BNIP1: variants seen among roughly 807,000 people sequenced by gnomAD.
BNIP1 encodes the protein vesicle transport protein SEC20.
In BNIP1, 25 loss-of-function variants were observed where a neutral mutation model predicts 28.5. That is an observed-to-expected ratio of 0.88 (90% CI 0.64 to 1.23). BNIP1 has a LOEUF of 1.23. BNIP1 is among the 50% of genes most tolerant of loss of function. The pLI, the probability that BNIP1 is intolerant of heterozygous loss-of-function variation, is 0.00. For missense variants in BNIP1, 276 were observed against 277.0 expected, an observed-to-expected ratio of 1.00 and a Z score of 0.02; for synonymous variants, 118 against 101.7, an observed-to-expected ratio of 1.16 and a Z score of -0.96.
intron 3 of BNIP1, among the ~76,000 whole-genome samples, chr5:173,158,411 G>A (rs1342470756): frequency 6.6e-6 from 1 of 152,222 alleles, no homozygotes; most frequent in African/African-American, 2.4e-5. Context: ...GTGACCAGCT[G>A]GGAAGTTTGG....
intron 2 of BNIP1, among the ~76,000 whole-genome samples, chr5:173,150,992 C>T (rs886227964): frequency 6.6e-6 from 1 of 152,002 alleles, no homozygotes; most frequent in African/African-American, 2.4e-5. Context: ...TGTGCCACCA[C>T]ACACAGCTAA....
chr5:173,148,123 T>A (rs1317620386), intron 2 of BNIP1, among the ~76,000 whole-genome samples: 26 of 97,700 alleles, frequency 2.7e-4, no homozygotes, highest in Admixed American at 7.2e-4. Flanking sequence ...TATATATATA[T>A]ATATATATAT....
At chr5:173,158,177 C>A (rs528375405) in intron 3 of BNIP1, among the ~76,000 whole-genome samples, 1 of 152,138 alleles carries the variant, frequency 6.6e-6, no homozygotes, top group African/African-American at 2.4e-5. Context: ...GTGATCCCCC[C>A]ACCTCGGCCT....
At chr5:173,158,268 A>C (rs1299408114) in intron 3 of BNIP1, among the ~76,000 whole-genome samples, 1 of 152,194 alleles carries the variant, frequency 6.6e-6, no homozygotes, top group Admixed American at 6.5e-5. Context: ...TTAACTCAGC[A>C]GCTGAAGGGC....
chr5:173,154,224 C>T, intron 2 of BNIP1, 98 bp from the exon 3 acceptor site: 2 of 1,009,370 alleles, frequency 2.0e-6, no homozygotes, highest in Non-Finnish European at 3.0e-6. Flanking sequence ...AAGGGTGCTT[C>T]AAGTGCTATT....
At chr5:173,156,044 A>G (rs780179634) in intron 3 of BNIP1, among the ~76,000 whole-genome samples, 5 of 152,348 alleles carry the variant, frequency 3.3e-5, no homozygotes, top group Non-Finnish European at 5.9e-5. Context: ...TGTATGTAAC[A>G]GTCAGCTGTC....
chr5:173,162,528 C>T (rs1320686536), intron 5 of BNIP1, among the ~76,000 whole-genome samples: 1 of 151,956 alleles, frequency 6.6e-6, no homozygotes, highest in Non-Finnish European at 1.5e-5. Context: ...ACTGGGGAGG[C>T]TGAGGCAGGA....
chr5:173,156,980 A>C (rs1272169341), intron 3 of BNIP1, among the ~76,000 whole-genome samples: 2 of 151,718 alleles, frequency 1.3e-5, no homozygotes, highest in Non-Finnish European at 2.9e-5. Flanking sequence ...CAAAAAAAAC[A>C]AAAAAAACCA....
At position 173,164,069 on chromosome 5, in the gene BNIP1, C is replaced by G. The variant is rs1290228541; in HGVS notation, c.*148C>G. ...GGATGGAACACAGTGCCCCACTTTT[C>G]TGCAAGTAGCTGGCTTGTAAAGGGT... On this transcript the variant is annotated 3_prime_UTR_variant, in exon 6 of 6. Transcript: ENST00000351486. The surrounding 1 kb of genome is among the most constrained non-coding windows in gnomAD (Gnocchi z 4.0). 1.4e-6 allele frequency: 1 copy of G among 732,064 alleles called. No individual in the cohort carries two copies. Among genetic ancestry groups the G allele is most frequent in the Non-Finnish European group, 2.1e-6 (1 of 478,714 alleles). 45.3% of individuals were successfully genotyped at this position (732,064 alleles called of 1,614,324 possible). A position where few individuals can be genotyped will look rare whatever the true frequency, so the allele number is the denominator to read the frequency against.
At chr5:173,161,004 A>G in intron 5 of BNIP1, 1 of 366,512 alleles carries the variant, frequency 2.7e-6, no homozygotes. Flanking sequence ...CTTTTGGAAA[A>G]TTGCACACGT....
Position 173,144,988 on chromosome 5 carries a change from A to T in BNIP1, c.84+359A>T, listed in dbSNP as rs5745105. 1,055 of 195,028 alleles carry T rather than the reference A, an allele frequency of 5.4e-3. 21 individuals are homozygous for T. The highest frequency in any genetic ancestry group is 0.023 in the African/African-American group (992 of 42,764). 12.1% of individuals were successfully genotyped at this position (195,028 alleles called of 1,614,324 possible). On this transcript the variant is annotated intron_variant, in intron 1 of 5. Transcript: ENST00000351486. ...TCACCCTGCTTGGCCCCGCCCTCTG[A>T]CGCTGCTTCAGCATCCTCTGGTAGC...
intron 5 of BNIP1, among the ~76,000 whole-genome samples, chr5:173,162,546 T>C (rs1760393084): frequency 6.6e-6 from 1 of 152,094 alleles, no homozygotes; most frequent in Admixed American, 6.6e-5. Context: ...GGAGAATCAT[T>C]TGAACCTGGG....
In BNIP1 at chr5:173,163,955, T is replaced by C. The variant is rs1561601372; in HGVS notation, c.*34T>C. The C allele has an allele frequency of 6.4e-7, 1 of 1,553,424 alleles. No individual in the cohort carries two copies. The highest frequency in any genetic ancestry group is 1.2e-5 in the South Asian group (1 of 80,356). ...AGGTGCCAGTTCTGGCCCTTTCAGCTCCTGTTTCAGGATCTGTCCTGGTTC... is the reference window on the plus strand; with the variant it reads ...AGGTGCCAGTTCTGGCCCTTTCAGCCCCTGTTTCAGGATCTGTCCTGGTTC... On this transcript the variant is annotated 3_prime_UTR_variant, in exon 6 of 6. Coordinates refer to ENST00000351486, the MANE Select transcript of BNIP1 (RefSeq NM_001205.3).
rs199543388 is a variant in BNIP1, at chr5:173,163,821, G to T, written c.587G>T (p.Arg196Leu). The change falls in exon 6 of 6, where the codon CGC becomes CTC. Residue 196 changes from arginine (R) to leucine (L), a missense_variant. Transcript: ENST00000351486. ...CGGAAGCTTATCACAAAATACAATC[G>T]CCGGGAGCTGACGGACAAGCTTCTC... is the stretch of plus-strand genomic sequence containing the variant. The part of the protein sequence containing the change: ...LGRKLITKYN[R>L]RELTDKLLIF... The T allele has an allele frequency of 1.9e-6, 3 of 1,613,716 alleles. No homozygotes were observed. The highest frequency in any genetic ancestry group is 2.5e-6 in the Non-Finnish European group (3 of 1,179,904).
At chr5:173,154,199 G>A (rs1760112179) in intron 2 of BNIP1, 123 bp from the exon 3 acceptor site, 1 of 722,642 alleles carries the variant, frequency 1.4e-6, no homozygotes, top group Non-Finnish European at 2.3e-6. Context: ...AGCATTCCTA[G>A]GTGTTCTGTT....
At chr5:173,149,076 T>C (rs1445841440) in intron 2 of BNIP1, among the ~76,000 whole-genome samples, 2 of 152,202 alleles carry the variant, frequency 1.3e-5, no homozygotes, top group Non-Finnish European at 1.5e-5. Context: ...GAAACATGCC[T>C]GCTCCTCTAG....
intron 5 of BNIP1, among the ~76,000 whole-genome samples, chr5:173,162,595 C>T (rs1760394997): frequency 6.6e-6 from 1 of 152,056 alleles, no homozygotes; most frequent in Admixed American, 6.5e-5. Flanking sequence ...CGCCACTGCA[C>T]TCCAGCCTGG....
At chr5:173,152,353 CTTT>C (rs1331059776) in intron 2 of BNIP1, among the ~76,000 whole-genome samples, 1 of 145,496 alleles carries the variant, frequency 6.9e-6, no homozygotes. Context: ...AATTTACATT[CTTT>C]TTTTTTTTTT....
intron 3 of BNIP1, among the ~76,000 whole-genome samples, chr5:173,154,870 A>T (rs368523142): frequency 1.3e-5 from 2 of 152,288 alleles, no homozygotes; most frequent in East Asian, 3.9e-4. Context: ...AGTCAGCAAT[A>T]GTCAAGTGGG....
Sources: gnomAD v4.1 joint callset for allele counts (sites outside exome capture counted in the v4.1 genomes callset) on GRCh38, gnomAD v4.1.1 for gene constraint, Gnocchi (gnomAD v3.1) non-coding constraint, MANE v1.5 for transcripts, NCBI Gene and HGNC (gene_info 2026-07-23, HGNC 2026-07-21) for gene names.